Variants in PCDH15 observed in about 807,000 individuals in gnomAD.
PCDH15 encodes the protein protocadherin-15.
A neutral mutation model predicts 178.5 loss-of-function variants in PCDH15; 129 were observed. The ratio of observed to expected loss-of-function variants is 0.72; its 90% CI spans 0.63 to 0.84. The LOEUF is 0.84. Ranked by LOEUF, PCDH15 falls within the 40% of genes least tolerant of loss-of-function variation. PCDH15 has a pLI of 0.00. For missense variants in PCDH15, 2,230 were observed against 2,099.9 expected (o/e 1.06, Z -1.21); for synonymous variants, 800 against 732.0 (o/e 1.09, Z -1.50).
intron 2 of PCDH15, among the ~76,000 whole-genome samples, chr10:55,135,630 T>C (rs1838174419): frequency 1.5e-5 from 2 of 132,156 alleles, no homozygotes; most frequent in Admixed American, 1.8e-4. Context: ...TTGCTCAGGC[T>C]GGAGTGCAGT....
intron 8 of PCDH15, among the ~76,000 whole-genome samples, chr10:54,298,239 G>C (rs2059920642): frequency 6.6e-6 from 1 of 152,132 alleles, no homozygotes; most frequent in South Asian, 2.1e-4. Flanking sequence ...GATCCTAAAA[G>C]ATAAGTTTAT....
intron 3 of PCDH15, among the ~76,000 whole-genome samples, chr10:54,399,800 G>A (rs1298172907): frequency 6.6e-6 from 1 of 152,050 alleles, no homozygotes; most frequent in Non-Finnish European, 1.5e-5. Context: ...GTGACCAGAA[G>A]ACAAATTCTC....
chr10:53,817,727 C>G (rs2132442777), intron 34 of PCDH15, among the ~76,000 whole-genome samples: 1 of 151,848 alleles, frequency 6.6e-6, no homozygotes, highest in East Asian at 1.9e-4. Flanking sequence ...GGGGAAATGT[C>G]AGAATACTGA....
chr10:54,209,024 G>T (rs1247624979), intron 10 of PCDH15, among the ~76,000 whole-genome samples: 1 of 151,670 alleles, frequency 6.6e-6, no homozygotes, highest in Non-Finnish European at 1.5e-5. Context: ...ACACATTAGA[G>T]TAGAAAGAAT....
At position 54,753,631 on chromosome 10, in the gene PCDH15, C is replaced by A. The variant is rs867894340; in HGVS notation, c.-29+47294G>T. The stretch of plus-strand genomic sequence containing the variant: ...TAAAAACATTTGACTTTTCTTCCCA[C>A]TATATTGTTGTAAGTATAAAATGCC... On this transcript the variant is annotated intron_variant, in intron 1 of 37. Coordinates refer to ENST00000644397, the MANE Select transcript of PCDH15 (RefSeq NM_001384140.1). 2.0e-5 allele frequency among the ~76,000 whole-genome samples: 3 copies of A among 152,174 alleles called. No individual in the cohort carries two copies. The South Asian group carries it at 6.2e-4, about 32-fold the overall frequency.
intron 15 of PCDH15, among the ~76,000 whole-genome samples, chr10:54,116,727 G>C (rs1245728180): frequency 1.3e-5 from 2 of 152,186 alleles, no homozygotes; most frequent in Non-Finnish European, 2.9e-5. Flanking sequence ...GTGTCATTCT[G>C]CAAAGTGATT....
intron 2 of PCDH15, among the ~76,000 whole-genome samples, chr10:55,334,691 G>C (rs1483671602): frequency 6.6e-6 from 1 of 151,922 alleles, no homozygotes; most frequent in African/African-American, 2.4e-5. Flanking sequence ...CTTAAACTGA[G>C]ACTCTGAATG....
At chr10:55,581,179 T>C (rs1589153507) in intron 2 of PCDH15, among the ~76,000 whole-genome samples, 1 of 152,216 alleles carries the variant, frequency 6.6e-6, no homozygotes, top group African/African-American at 2.4e-5. Flanking sequence ...AAAGTAAACA[T>C]ACAGGAGACT....
intron 1 of PCDH15, among the ~76,000 whole-genome samples, chr10:55,301,564 A>G (rs961529728): frequency 1.3e-5 from 2 of 151,932 alleles, no homozygotes; most frequent in African/African-American, 2.4e-5. Flanking sequence ...CATCCTTTTA[A>G]CAGTATCGTT....
At chr10:53,832,581 T>C (rs1315423175) in intron 29 of PCDH15, among the ~76,000 whole-genome samples, 2 of 151,952 alleles carry the variant, frequency 1.3e-5, no homozygotes, top group African/African-American at 4.8e-5. Flanking sequence ...TCTAATATTT[T>C]TTTGGAGGGG....
At chr10:55,110,825 GA>G (rs899266622) in intron 2 of PCDH15, among the ~76,000 whole-genome samples, 1 of 151,988 alleles carries the variant, frequency 6.6e-6, no homozygotes, top group South Asian at 2.1e-4. Context: ...TAAACTGTAT[GA>G]AAAAACAAAC....
At position 55,232,441 on chromosome 10, in the gene PCDH15, CA is replaced by C. The variant is rs527530832; in HGVS notation, c.-155-65791del. Among the ~76,000 whole-genome samples the C allele has an allele frequency of 2.3e-3, 349 of 151,808 alleles. 3 individuals carry two copies. The highest frequency in any genetic ancestry group is 8.1e-3 in the African/African-American group (334 of 41,358). On this transcript the variant is annotated intron_variant, in intron 1 of 5. Transcript: ENST00000458638. Reference sequence around the variant, plus strand: ...GAATAATATAATGTATAATGTTTTTCAAAAAAAGTTACAAATAATCTGTGTT... The same window carrying C: ...GAATAATATAATGTATAATGTTTTTCAAAAAAGTTACAAATAATCTGTGTT...
At chr10:55,404,239 C>T (rs375922619) in intron 2 of PCDH15, among the ~76,000 whole-genome samples, 5 of 152,010 alleles carry the variant, frequency 3.3e-5, no homozygotes, top group East Asian at 1.9e-4. Context: ...CTATAGCAGA[C>T]GCCAACATTA....
intron 1 of PCDH15, among the ~76,000 whole-genome samples, chr10:55,299,686 A>C (rs183600104): frequency 6.6e-6 from 1 of 152,316 alleles, no homozygotes; most frequent in Non-Finnish European, 1.5e-5. Flanking sequence ...GACATAAAGA[A>C]GACCTTGATC....
chr10:55,394,114 T>C (rs1240608147), intron 2 of PCDH15, among the ~76,000 whole-genome samples: 1 of 152,080 alleles, frequency 6.6e-6, no homozygotes, highest in Non-Finnish European at 1.5e-5. Context: ...AGAGACTATG[T>C]CTTCCAGGTT....
At chr10:55,482,575 A>C (rs1244507020) in intron 2 of PCDH15, among the ~76,000 whole-genome samples, 1 of 151,672 alleles carries the variant, frequency 6.6e-6, no homozygotes, top group Non-Finnish European at 1.5e-5. Flanking sequence ...TTTGCATATG[A>C]AGTTTAGTTT....
chr10:54,959,273 T>C (rs1838579884), intron 2 of PCDH15, among the ~76,000 whole-genome samples: 1 of 151,936 alleles, frequency 6.6e-6, no homozygotes, highest in Non-Finnish European at 1.5e-5. Context: ...ATATAAGCAT[T>C]AACTATTCCT....
intron 2 of PCDH15, among the ~76,000 whole-genome samples, chr10:55,059,833 G>T (rs942127554): frequency 6.6e-6 from 1 of 151,938 alleles, no homozygotes; most frequent in Non-Finnish European, 1.5e-5. Flanking sequence ...GTTATTTAAT[G>T]ATCTTGTTGA....
chr10:55,627,434 A>T (rs1837555070), intron 2 of PCDH15, among the ~76,000 whole-genome samples: 1 of 152,102 alleles, frequency 6.6e-6, no homozygotes, highest in Non-Finnish European at 1.5e-5. Flanking sequence ...GGAGCGAGAC[A>T]TTCAGGCGAT....
Sources: gnomAD v4.1 joint callset for allele counts (sites outside exome capture counted in the v4.1 genomes callset) on GRCh38, gnomAD v4.1.1 for gene constraint, MANE v1.5 for transcripts, NCBI Gene and HGNC (gene_info 2026-07-23, HGNC 2026-07-21) for gene names.